Variants in FOXP1 observed in about 807,000 individuals in gnomAD.
FOXP1 encodes the protein forkhead box P1.
A neutral mutation model predicts 98.2 loss-of-function variants in FOXP1; 15 were observed. The ratio of observed to expected loss-of-function variants is 0.15; its 90% confidence interval spans 0.10 to 0.24. FOXP1 has a LOEUF of 0.24. Ranked by LOEUF, FOXP1 falls within the 10% of genes least tolerant of loss-of-function variation. The pLI is 1.00. For missense variants in FOXP1, 633 were observed against 848.5 expected, an observed-to-expected ratio of 0.75 and a Z score of 3.15; for synonymous variants, 371 against 314.5, an observed-to-expected ratio of 1.18 and a Z score of -1.90.
intron 7 of FOXP1, among the ~76,000 whole-genome samples, chr3:71,063,344 T>C (rs1259073457): frequency 6.6e-6 from 1 of 152,272 alleles, no homozygotes; most frequent in Admixed American, 6.5e-5. Context: ...AAGGAAGCTT[T>C]GTATTCTTTT....
intron 2 of FOXP1, among the ~76,000 whole-genome samples, chr3:71,503,748 G>A (rs1274738985): frequency 4.6e-5 from 7 of 152,104 alleles, no homozygotes; most frequent in African/African-American, 1.7e-4. Flanking sequence ...CCTGTATGGA[G>A]CCTCATCCAT....
At chr3:71,131,886 G>A (rs902551186) in intron 6 of FOXP1, among the ~76,000 whole-genome samples, 1 of 152,128 alleles carries the variant, frequency 6.6e-6, no homozygotes, top group African/African-American at 2.4e-5. Flanking sequence ...ACTAGGCTGG[G>A]GGAAAAAATG....
chr3:71,573,298 A>G (rs878172), intron 2 of FOXP1, among the ~76,000 whole-genome samples: 92,197 of 151,420 alleles, frequency 0.61, 29,477 homozygotes, highest in African/African-American at 0.69. Flanking sequence ...TCAGGACAAA[A>G]AGGTATCAGA....
In FOXP1 at chr3:71,581,691, T is replaced by A; in HGVS notation, c.-440A>T. The A allele has an allele frequency of 1.0e-6, 1 of 985,708 alleles. No homozygotes were observed. The highest frequency in any genetic ancestry group is 1.2e-6 in the Non-Finnish European group (1 of 830,084). The allele number at this position is 985,708 out of a possible 1,614,324, so 61.1% of individuals were successfully genotyped here. A position where few individuals can be genotyped will look rare whatever the true frequency, so the allele number is the denominator to read the frequency against. ...CGCGCTCTCTTCCTCTTACAAACTT[T>A]CGGGTTCTGCAGTCGACAAGAAACC... On this transcript the variant is annotated 5_prime_UTR_variant, in exon 2 of 21. Transcript: ENST00000649528.
intron 6 of FOXP1, among the ~76,000 whole-genome samples, chr3:71,127,858 A>G (rs552069968): frequency 6.6e-6 from 1 of 152,338 alleles, no homozygotes; most frequent in East Asian, 1.9e-4. Context: ...ATAAATACAA[A>G]GTATGATTAT....
intron 5 of FOXP1, among the ~76,000 whole-genome samples, chr3:71,291,387 A>G (rs2072732667): frequency 6.6e-6 from 1 of 152,210 alleles, no homozygotes; most frequent in Non-Finnish European, 1.5e-5. Flanking sequence ...TTTTCCATAC[A>G]AAGGCTTTGA....
chr3:71,044,535 C>A (rs1307067795), intron 10 of FOXP1, among the ~76,000 whole-genome samples: 1 of 152,128 alleles, frequency 6.6e-6, no homozygotes, highest in Non-Finnish European at 1.5e-5. Context: ...GAAAAAAAGG[C>A]CTTCAAAATA....
At chr3:71,498,512 T>A (rs1208196852) in intron 2 of FOXP1, among the ~76,000 whole-genome samples, 1 of 152,194 alleles carries the variant, frequency 6.6e-6, no homozygotes, top group Non-Finnish European at 1.5e-5. Flanking sequence ...ATTAAAGGAA[T>A]GAACTGCACT....
At chr3:71,197,168 C>T (rs1006101752) in intron 6 of FOXP1, among the ~76,000 whole-genome samples, 17 of 152,154 alleles carry the variant, frequency 1.1e-4, no homozygotes, top group African/African-American at 4.1e-4. Flanking sequence ...CTATCTTCTT[C>T]CTCCCCACAA....
At chr3:71,381,320 T>G (rs1278760982) in intron 3 of FOXP1, among the ~76,000 whole-genome samples, 1 of 152,032 alleles carries the variant, frequency 6.6e-6, no homozygotes. Flanking sequence ...CCGGCTAATT[T>G]TTTGCATTTT....
At chr3:71,255,018 A>C (rs560381247) in intron 5 of FOXP1, among the ~76,000 whole-genome samples, 1 of 152,310 alleles carries the variant, frequency 6.6e-6, no homozygotes, top group African/African-American at 2.4e-5. Flanking sequence ...ACTTAACGCC[A>C]AGCAGTGAGT....
intron 5 of FOXP1, among the ~76,000 whole-genome samples, chr3:71,299,202 C>A (rs1163965160): frequency 2.0e-5 from 3 of 152,218 alleles, no homozygotes; most frequent in African/African-American, 7.2e-5. Context: ...GGCTTTAATT[C>A]ATTAAGCTAC....
At chr3:71,160,872 C>T (rs1348441096) in intron 6 of FOXP1, among the ~76,000 whole-genome samples, 1 of 152,150 alleles carries the variant, frequency 6.6e-6, no homozygotes, top group Non-Finnish European at 1.5e-5. Flanking sequence ...ATCTTTCCCC[C>T]AACCTCATAC....
intron 13 of FOXP1, among the ~76,000 whole-genome samples, chr3:70,994,960 A>G (rs2041155081): frequency 6.6e-6 from 1 of 152,222 alleles, no homozygotes. Context: ...ACTACATGTG[A>G]TCAGAAATAT....
At chr3:71,010,354 C>T (rs2043406189) in intron 12 of FOXP1, among the ~76,000 whole-genome samples, 1 of 152,102 alleles carries the variant, frequency 6.6e-6, no homozygotes, top group African/African-American at 2.4e-5. Flanking sequence ...GCTGTGTGAC[C>T]TTGGGTAAAT....
At chr3:71,522,927 A>T (rs2043102386) in intron 2 of FOXP1, among the ~76,000 whole-genome samples, 1 of 152,194 alleles carries the variant, frequency 6.6e-6, no homozygotes, top group South Asian at 2.1e-4. Flanking sequence ...GTACTTACAC[A>T]TTTAACTTTC....
intron 5 of FOXP1, among the ~76,000 whole-genome samples, chr3:71,213,815 C>CA (rs1041274049): frequency 6.0e-5 from 9 of 151,096 alleles, no homozygotes; most frequent in African/African-American, 2.2e-4. Context: ...GACTCCATTT[C>CA]AAAAAAAATA....
chr3:71,224,556 G>A (rs965505979), intron 5 of FOXP1, among the ~76,000 whole-genome samples: 6 of 152,178 alleles, frequency 3.9e-5, no homozygotes, highest in Non-Finnish European at 5.9e-5. Flanking sequence ...ACGGAGGACT[G>A]GAAGTGTCTC....
chr3:71,471,275 G>A (rs1171801201), intron 3 of FOXP1, among the ~76,000 whole-genome samples: 2 of 150,864 alleles, frequency 1.3e-5, no homozygotes, highest in Non-Finnish European at 3.0e-5. Context: ...AGTATAATAA[G>A]TACACTTTTA....
Sources: allele counts gnomAD v4.1 joint callset (sites outside exome capture counted in the v4.1 genomes callset), GRCh38; gene constraint gnomAD v4.1.1; transcripts MANE v1.5; gene names NCBI Gene and HGNC (gene_info 2026-07-23, HGNC 2026-07-21).